The following LRBA variants were observed in gnomAD, a reference collection of about 807,000 sequenced individuals.
LRBA encodes the protein lipopolysaccharide-responsive and beige-like anchor protein.
LRBA carries 176 observed loss-of-function variants against 330.0 expected under a neutral mutation model. The observed-to-expected ratio is 0.53, with a 90% CI of 0.47 to 0.60. The LOEUF is 0.60. LRBA is among the 20% of genes least tolerant of loss of function. The pLI is 0.00. For missense variants in LRBA, 3,259 were observed against 3,444.8 expected (o/e 0.95, Z 1.35); for synonymous variants, 1,230 against 1,193.0 (o/e 1.03, Z -0.64).
intron 47 of LRBA, among the ~76,000 whole-genome samples, chr4:150,385,517 A>G (rs1394232632): frequency 2.0e-5 from 3 of 152,190 alleles, no homozygotes; most frequent in Admixed American, 1.3e-4. Flanking sequence ...GGGAGATTAA[A>G]GAGAGTAAGA....
chr4:150,433,445 C>T (rs1750694147), intron 46 of LRBA, among the ~76,000 whole-genome samples: 1 of 151,988 alleles, frequency 6.6e-6, no homozygotes, highest in Non-Finnish European at 1.5e-5. Flanking sequence ...ATGTCTAGTA[C>T]AGATAGAGGC....
intron 22 of LRBA, among the ~76,000 whole-genome samples, chr4:150,857,972 A>G (rs1751423041): frequency 6.6e-6 from 1 of 152,196 alleles, no homozygotes; most frequent in Non-Finnish European, 1.5e-5. Context: ...ACATTTTGTT[A>G]GCAAATAATT....
intron 53 of LRBA, among the ~76,000 whole-genome samples, chr4:150,296,387 A>AT (rs527953902): frequency 6.6e-6 from 1 of 152,160 alleles, no homozygotes; most frequent in Admixed American, 6.5e-5. Flanking sequence ...AATTCAGAGA[A>AT]TTTTTTTCCT....
At chr4:150,844,229 T>C (rs200418788) in intron 27 of LRBA, 22 bp from the exon 28 acceptor site, 4 of 1,160,436 alleles carry the variant, frequency 3.4e-6, no homozygotes, top group Middle Eastern at 2.1e-4. Flanking sequence ...TAAAAAAAAA[T>C]TGTATATATA....
intron 30 of LRBA, among the ~76,000 whole-genome samples, chr4:150,824,243 A>G (rs1249359011): frequency 1.3e-5 from 2 of 152,190 alleles, no homozygotes; most frequent in African/African-American, 4.8e-5. Context: ...GCATATAGAA[A>G]TGATACTAAT....
At chr4:150,566,101 T>C (rs1011954409) in intron 40 of LRBA, among the ~76,000 whole-genome samples, 1 of 151,636 alleles carries the variant, frequency 6.6e-6, no homozygotes, top group Non-Finnish European at 1.5e-5. Context: ...TGGTGGTACA[T>C]GCCTGTAGTT....
At chr4:150,828,697 T>C (rs1041671882) in intron 29 of LRBA, 76 bp from the exon 30 acceptor site, 62 of 1,236,580 alleles carry the variant, frequency 5.0e-5, no homozygotes, top group Middle Eastern at 2.7e-4. Context: ...TATTCTGTTT[T>C]AATAGCTATC....
chr4:150,315,511 G>T, intron 51 of LRBA, 50 bp downstream of exon 51: 1 of 1,431,982 alleles, frequency 7.0e-7, no homozygotes, highest in Non-Finnish European at 9.9e-7. Context: ...ACACTTCAGG[G>T]CCACCATACA....
At chr4:150,686,345 A>G (rs981353565) in intron 36 of LRBA, among the ~76,000 whole-genome samples, 3 of 152,210 alleles carry the variant, frequency 2.0e-5, no homozygotes, top group Non-Finnish European at 4.4e-5. Flanking sequence ...CAAATTTCAT[A>G]CGCTATATTT....
intron 4 of LRBA, 114 bp from the exon 5 acceptor site, chr4:150,921,407 A>G (rs945264842): frequency 1.5e-6 from 1 of 657,834 alleles, no homozygotes; most frequent in Non-Finnish European, 2.7e-6. Context: ...TAAGGTTAAA[A>G]GCATAGAAAA....
At chr4:150,751,945 T>C (rs1733611964) in intron 35 of LRBA, among the ~76,000 whole-genome samples, 1 of 152,178 alleles carries the variant, frequency 6.6e-6, no homozygotes, top group African/African-American at 2.4e-5. Context: ...CTCTGTTTCC[T>C]GGGCTTTCTG....
At chr4:150,533,557 G>C (rs1764276439) in intron 40 of LRBA, among the ~76,000 whole-genome samples, 1 of 152,070 alleles carries the variant, frequency 6.6e-6, no homozygotes, top group Non-Finnish European at 1.5e-5. Flanking sequence ...TGAAGGGCAT[G>C]TGTGTCAGCT....
intron 33 of LRBA, among the ~76,000 whole-genome samples, chr4:150,799,043 T>C (rs2126675127): frequency 6.6e-6 from 1 of 152,272 alleles, no homozygotes; most frequent in East Asian, 1.9e-4. Context: ...TCCATTCCCT[T>C]TGTCTTTTTA....
intron 35 of LRBA, among the ~76,000 whole-genome samples, chr4:150,742,069 A>T (rs1732057019): frequency 6.6e-6 from 1 of 151,704 alleles, no homozygotes; most frequent in South Asian, 2.1e-4. Flanking sequence ...GGTCTTCTAA[A>T]CTTCCTTCTT....
intron 47 of LRBA, among the ~76,000 whole-genome samples, chr4:150,412,536 G>A (rs1452736546): frequency 2.0e-5 from 3 of 152,120 alleles, no homozygotes; most frequent in African/African-American, 7.2e-5. Flanking sequence ...ACTGTCAAGA[G>A]AGCGGCTTGC....
intron 41 of LRBA, among the ~76,000 whole-genome samples, chr4:150,490,162 T>G (rs1431566609): frequency 6.6e-6 from 1 of 151,736 alleles, no homozygotes; most frequent in Non-Finnish European, 1.5e-5. Flanking sequence ...GAAATTTGTA[T>G]TCCCTAAAGA....
At chr4:150,611,414 A>C (rs1421836232) in intron 37 of LRBA, among the ~76,000 whole-genome samples, 2 of 152,236 alleles carry the variant, frequency 1.3e-5, no homozygotes, top group East Asian at 1.9e-4. Context: ...ATTACCAAAA[A>C]TTTTCCAGGC....
intron 22 of LRBA, among the ~76,000 whole-genome samples, chr4:150,863,934 T>G (rs1211767781): frequency 3.3e-5 from 5 of 151,992 alleles, no homozygotes; most frequent in African/African-American, 9.7e-5. Flanking sequence ...ACACTTTATT[T>G]ATTTATTTAT....
chr4:150,715,901 T>C (rs1182023986), intron 36 of LRBA, among the ~76,000 whole-genome samples: 1 of 152,226 alleles, frequency 6.6e-6, no homozygotes, highest in Non-Finnish European at 1.5e-5. Flanking sequence ...AAAATCCTTA[T>C]GTTTTTTAGA....
Sources: allele counts gnomAD v4.1 joint callset (sites outside exome capture counted in the v4.1 genomes callset), GRCh38; gene constraint gnomAD v4.1.1; transcripts MANE v1.5; gene names NCBI Gene and HGNC (gene_info 2026-07-23, HGNC 2026-07-21).